GRIP1: variants seen among roughly 807,000 people sequenced by gnomAD.
GRIP1 encodes the protein glutamate receptor-interacting protein 1.
In GRIP1, 45 loss-of-function variants were observed where a neutral mutation model predicts 129.9. The ratio of observed to expected loss-of-function variants is 0.35; its 90% CI spans 0.27 to 0.44. GRIP1 has a LOEUF of 0.44. Among genes scored for constraint, GRIP1 ranks in the 20% least tolerant of loss-of-function variants. The pLI is 1.00. For missense variants in GRIP1, 1,196 were observed against 1,396.8 expected (o/e 0.86, Z 2.29); for synonymous variants, 530 against 520.8 (o/e 1.02, Z -0.24).
At chr12:66,672,524 A>G (rs1362947063) in intron 1 of GRIP1, among the ~76,000 whole-genome samples, 1 of 152,068 alleles carries the variant, frequency 6.6e-6, no homozygotes, top group Non-Finnish European at 1.5e-5. Flanking sequence ...ACTGAAACAA[A>G]TAATTATTTT....
chr12:67,055,150 C>T (rs2043413938), intron 1 of GRIP1, among the ~76,000 whole-genome samples: 1 of 152,130 alleles, frequency 6.6e-6, no homozygotes, highest in African/African-American at 2.4e-5. Flanking sequence ...AAAACTGGAG[C>T]AGTAACTAGG....
intron 1 of GRIP1, among the ~76,000 whole-genome samples, chr12:67,030,599 A>C (rs950183754): frequency 6.6e-6 from 1 of 152,222 alleles, no homozygotes; most frequent in South Asian, 2.1e-4. Flanking sequence ...CTCAATAATA[A>C]ATATTAAAAT....
At chr12:66,536,474 G>A (rs758731243) in intron 4 of GRIP1, among the ~76,000 whole-genome samples, 21 of 151,946 alleles carry the variant, frequency 1.4e-4, no homozygotes, top group African/African-American at 3.9e-4. Flanking sequence ...TATAACAACC[G>A]TAAGTATATT....
intron 2 of GRIP1, among the ~76,000 whole-genome samples, chr12:66,553,055 G>A (rs1266797203): frequency 6.6e-6 from 1 of 152,166 alleles, no homozygotes; most frequent in African/African-American, 2.4e-5. Flanking sequence ...AACAGGGAGG[G>A]TACCATTCTC....
At chr12:66,685,190 T>C (rs2034736344) in intron 1 of GRIP1, among the ~76,000 whole-genome samples, 1 of 152,182 alleles carries the variant, frequency 6.6e-6, no homozygotes, top group African/African-American at 2.4e-5. Context: ...GCCCCACACA[T>C]GGGTTCTTCC....
At chr12:66,393,630 T>C (rs549821232) in intron 17 of GRIP1, among the ~76,000 whole-genome samples, 1 of 152,318 alleles carries the variant, frequency 6.6e-6, no homozygotes, top group South Asian at 2.1e-4. Context: ...GGGTTTGTTA[T>C]ATGTCCAACA....
In GRIP1 at chr12:66,547,762, G is replaced by T. The variant is rs138209734; in HGVS notation, c.137-5812C>A. ...GAGTATGGGTTAGAAGTTGCCAGGG[G>T]TAAGGGCAGGAGGGAAGTGGATGCA... On this transcript the variant is annotated intron_variant, in intron 2 of 24. Coordinates refer to ENST00000359742, the MANE Select transcript of GRIP1 (RefSeq NM_001366722.1). 7.6e-3 allele frequency among the ~76,000 whole-genome samples: 1,163 copies of T among 152,282 alleles called. 14 individuals carry two copies. The highest frequency in any genetic ancestry group is 0.012 in the Non-Finnish European group (795 of 68,022).
intron 3 of GRIP1, 142 bp downstream of exon 3, chr12:66,541,673 C>T: frequency 1.1e-6 from 1 of 871,348 alleles, no homozygotes; most frequent in South Asian, 1.3e-5. Context: ...GAAACGTGCC[C>T]CACTGTGCTT....
intron 7 of GRIP1, among the ~76,000 whole-genome samples, chr12:66,485,974 T>C (rs1162490913): frequency 6.6e-6 from 1 of 152,092 alleles, no homozygotes. Context: ...TCTGTTTGTC[T>C]TTTCTTCGTG....
chr12:66,799,893 T>C (rs965654149), intron 1 of GRIP1, among the ~76,000 whole-genome samples: 3 of 152,152 alleles, frequency 2.0e-5, no homozygotes, highest in African/African-American at 7.2e-5. Context: ...ACTGTCAATA[T>C]TGTTTTTCCT....
At chr12:66,386,527 G>A (rs1229514032) in intron 19 of GRIP1, among the ~76,000 whole-genome samples, 2 of 152,060 alleles carry the variant, frequency 1.3e-5, no homozygotes, top group African/African-American at 2.4e-5. Flanking sequence ...CCAGCTACTC[G>A]GGAGGCTGAG....
At chr12:66,984,344 T>C (rs2135607360) in intron 1 of GRIP1, among the ~76,000 whole-genome samples, 1 of 152,284 alleles carries the variant, frequency 6.6e-6, no homozygotes, top group African/African-American at 2.4e-5. Flanking sequence ...GCCTGTCCAA[T>C]TTATCATATG....
Position 66,539,090 on chromosome 12 carries a change from G to T in GRIP1, c.406C>A (p.Leu136Ile). 6.2e-7 allele frequency: 1 copy of T among 1,613,850 alleles called. No homozygotes were observed. Among genetic ancestry groups the T allele is most frequent in the East Asian group, 2.2e-5 (1 of 44,870 alleles). ...ERVVLEVEYE[L>I]PPVSVQGSSV... is the part of the protein sequence containing the mutation. ...CTACTGTACTTACAGACCGGTGGAA[G>T]CTCGTACTCTACTTCAAGAACCACT... Residue 136 changes from leucine to isoleucine, a missense_variant, in exon 4 of 25, where the codon CTT becomes ATT. Leu to Ile is a conservative substitution (Grantham distance 5). Around this residue, in one of 5 missense-constraint regions of GRIP1, gnomAD observed 217 missense variants for 224.8 expected, o/e 0.97. Coordinates refer to ENST00000359742, the MANE Select transcript of GRIP1 (RefSeq NM_001366722.1).
At chr12:66,821,540 G>A (rs527409233) in intron 1 of GRIP1, among the ~76,000 whole-genome samples, 3 of 152,254 alleles carry the variant, frequency 2.0e-5, no homozygotes, top group South Asian at 2.1e-4. Context: ...TTAAACAGAT[G>A]TCAAGCTGCA....
chr12:66,773,157 G>T (rs1444284283), intron 1 of GRIP1, among the ~76,000 whole-genome samples: 1 of 152,164 alleles, frequency 6.6e-6, no homozygotes, highest in Non-Finnish European at 1.5e-5. Context: ...TTTACCTTCA[G>T]GTCAGTGGGA....
intron 1 of GRIP1, among the ~76,000 whole-genome samples, chr12:66,704,003 G>A (rs2035440783): frequency 6.6e-6 from 1 of 151,812 alleles, no homozygotes. Context: ...GTATGAGAAG[G>A]TACCCATGTG....
At chr12:66,449,746 G>A (rs549502002) in intron 11 of GRIP1, among the ~76,000 whole-genome samples, 30 of 152,316 alleles carry the variant, frequency 2.0e-4, no homozygotes, top group Admixed American at 3.3e-4. Context: ...TGGAGAGTAT[G>A]TTGCATTCCA....
chr12:66,792,636 C>A (rs953202670), intron 1 of GRIP1, among the ~76,000 whole-genome samples: 11 of 152,144 alleles, frequency 7.2e-5, no homozygotes, highest in African/African-American at 1.9e-4. Context: ...TTTGCTATTA[C>A]AACTCAAACT....
At chr12:66,965,401 A>G (rs1370566452) in intron 1 of GRIP1, among the ~76,000 whole-genome samples, 1 of 152,084 alleles carries the variant, frequency 6.6e-6, no homozygotes, top group Non-Finnish European at 1.5e-5. Flanking sequence ...TTCCCTCATA[A>G]TAATCACTAA....
Sources: allele counts gnomAD v4.1 joint callset (sites outside exome capture counted in the v4.1 genomes callset), GRCh38; gene constraint gnomAD v4.1.1; regional missense constraint gnomAD v4.1.1; transcripts MANE v1.5; gene names NCBI Gene and HGNC (gene_info 2026-07-23, HGNC 2026-07-21).